ST6GALNAC3: variants seen among roughly 807,000 people sequenced by gnomAD.
ST6GALNAC3 encodes the protein alpha-N-acetylgalactosaminide alpha-2,6-sialyltransferase 3.
In ST6GALNAC3, 25 loss-of-function variants were observed where a neutral mutation model predicts 32.7. The ratio of observed to expected loss-of-function variants is 0.76; its 90% CI spans 0.56 to 1.07. The LOEUF (loss-of-function observed/expected upper bound fraction) is 1.07. Among genes scored for constraint, ST6GALNAC3 ranks in the 50% least tolerant of loss-of-function variants. The probability of loss-of-function intolerance (pLI) is 0.00; values close to 1 mark genes in which losing one functional copy is unlikely to be tolerated. For missense variants in ST6GALNAC3, 355 were observed against 382.4 expected (o/e 0.93, Z 0.60); for synonymous variants, 129 against 133.1 (o/e 0.97, Z 0.21).
intron 3 of ST6GALNAC3, among the ~76,000 whole-genome samples, chr1:76,561,093 A>G (rs1665215807): frequency 1.3e-5 from 2 of 152,224 alleles, no homozygotes; most frequent in South Asian, 4.1e-4. Flanking sequence ...AAATAACTCA[A>G]GCACAGAAAG....
At chr1:76,324,733 G>A (rs766351631) in intron 2 of ST6GALNAC3, among the ~76,000 whole-genome samples, 2 of 152,136 alleles carry the variant, frequency 1.3e-5, no homozygotes, top group Admixed American at 6.6e-5. Flanking sequence ...AACTAAGTAT[G>A]AGTAAAGTAT....
At chr1:76,566,588 T>C (rs540124009) in intron 3 of ST6GALNAC3, among the ~76,000 whole-genome samples, 1 of 152,162 alleles carries the variant, frequency 6.6e-6, no homozygotes, top group African/African-American at 2.4e-5. Flanking sequence ...TCCTCTTCCC[T>C]GCGCTACCCA....
chr1:76,316,063 A>C (rs771847666), intron 2 of ST6GALNAC3, among the ~76,000 whole-genome samples: 4 of 150,180 alleles, frequency 2.7e-5, no homozygotes, highest in Non-Finnish European at 6.0e-5. Flanking sequence ...ATATTTAAAA[A>C]TCACAAAGAG....
At chr1:76,436,793 A>G (rs1393339585) in intron 3 of ST6GALNAC3, among the ~76,000 whole-genome samples, 1 of 152,142 alleles carries the variant, frequency 6.6e-6, no homozygotes, top group Non-Finnish European at 1.5e-5. Flanking sequence ...GAATAAAGTC[A>G]CATTAAGTAG....
chr1:76,282,913 C>G (rs1233369498), intron 1 of ST6GALNAC3, among the ~76,000 whole-genome samples: 1 of 151,814 alleles, frequency 6.6e-6, no homozygotes, highest in East Asian at 1.9e-4. Context: ...GTGGCACACA[C>G]CTGTAATCCC....
chr1:76,174,916 C>T (rs1362780487), intron 1 of ST6GALNAC3, among the ~76,000 whole-genome samples: 2 of 152,106 alleles, frequency 1.3e-5, no homozygotes, highest in Non-Finnish European at 2.9e-5. Context: ...GATCCATCTG[C>T]CTCAGCCTTC....
chr1:76,243,177 G>T (rs1657063880), intron 1 of ST6GALNAC3, among the ~76,000 whole-genome samples: 1 of 152,098 alleles, frequency 6.6e-6, no homozygotes, highest in African/African-American at 2.4e-5. Flanking sequence ...TCTCATTGTG[G>T]TTTTGATTTG....
intron 2 of ST6GALNAC3, among the ~76,000 whole-genome samples, chr1:76,344,305 A>T (rs934260664): frequency 3.3e-5 from 5 of 152,118 alleles, no homozygotes; most frequent in Non-Finnish European, 7.4e-5. Context: ...ACAAAAGGAG[A>T]TTTTGACTTA....
chr1:76,099,328 G>C (rs1436096631), intron 1 of ST6GALNAC3, among the ~76,000 whole-genome samples: 4 of 152,048 alleles, frequency 2.6e-5, no homozygotes, highest in Non-Finnish European at 5.9e-5. Context: ...ATTTAAGACT[G>C]CATTGAATCC....
At position 76,140,281 on chromosome 1, in the gene ST6GALNAC3, C is replaced by T. The variant is rs115008749; in HGVS notation, c.18+65397C>T. On this transcript the variant is annotated intron_variant, in intron 1 of 4. Coordinates refer to ENST00000328299, the MANE Select transcript of ST6GALNAC3 (RefSeq NM_152996.4). ...TGACATTTACAAGGTATTTCATTAA[C>T]ACTGTGGGCGATTCAATCCCCTTTT... Among the ~76,000 whole-genome samples, 32 of 152,314 alleles carry T rather than the reference C, an allele frequency of 2.1e-4. 1 individual carries two copies. The highest frequency in any genetic ancestry group is 7.5e-4 in the African/African-American group (31 of 41,566).
At position 76,145,406 on chromosome 1, in the gene ST6GALNAC3, A is replaced by G. The variant is rs917615632; in HGVS notation, c.18+70522A>G. Among the ~76,000 whole-genome samples, 39 of 152,290 alleles carry G rather than the reference A, an allele frequency of 2.6e-4. 1 individual carries two copies. The highest frequency in any genetic ancestry group is 2.5e-3 in the Admixed American group (38 of 15,306). Reference sequence around the variant, plus strand: ...AAAGTGTGGGACGTGTACTAGCAGCATGGGCATCACCAGGGAGCTTGTTGG... The same window carrying G: ...AAAGTGTGGGACGTGTACTAGCAGCGTGGGCATCACCAGGGAGCTTGTTGG... On this transcript the variant is annotated intron_variant, in intron 1 of 4. Coordinates refer to ENST00000328299, the MANE Select transcript of ST6GALNAC3 (RefSeq NM_152996.4).
At chr1:76,239,725 A>G (rs921198303) in intron 1 of ST6GALNAC3, among the ~76,000 whole-genome samples, 10 of 152,206 alleles carry the variant, frequency 6.6e-5, no homozygotes, top group Admixed American at 3.9e-4. Flanking sequence ...TCACATTTCA[A>G]CATGAGATTT....
In ST6GALNAC3 at chr1:76,147,932, CT is replaced by C. The variant is rs1381837266; in HGVS notation, c.18+73051del. ...CCTTCTGTATTCGTGACCCTTCTCT[CT>C]TTGTATGGGTCCCTGTCTTTGGAAT... On this transcript the variant is annotated intron_variant, in intron 1 of 4. Transcript: ENST00000328299. Among the ~76,000 whole-genome samples the C allele has an allele frequency of 7.2e-5, 11 of 152,264 alleles. No individual in the cohort carries two copies. In the South Asian group the frequency reaches 2.1e-3, roughly 29 times the overall value.
At chr1:76,389,311 A>G (rs1243364643) in intron 2 of ST6GALNAC3, among the ~76,000 whole-genome samples, 1 of 152,160 alleles carries the variant, frequency 6.6e-6, no homozygotes, top group Non-Finnish European at 1.5e-5. Context: ...AGAAATGTAA[A>G]GAAATTAAGT....
intron 1 of ST6GALNAC3, among the ~76,000 whole-genome samples, chr1:76,163,555 A>C (rs1651937855): frequency 6.6e-6 from 1 of 152,184 alleles, no homozygotes; most frequent in African/African-American, 2.4e-5. Context: ...ATTTACTGTA[A>C]GACTCATTTT....
intron 1 of ST6GALNAC3, among the ~76,000 whole-genome samples, chr1:76,081,190 G>A (rs531906450): frequency 2.1e-4 from 32 of 152,060 alleles, no homozygotes; most frequent in South Asian, 1.9e-3. Flanking sequence ...TGTAAAGCAG[G>A]GGTGTTCAAA....
At chr1:76,115,294 C>T (rs1462777791) in intron 1 of ST6GALNAC3, among the ~76,000 whole-genome samples, 1 of 152,134 alleles carries the variant, frequency 6.6e-6, no homozygotes, top group Non-Finnish European at 1.5e-5. Context: ...CAGTATGCCT[C>T]TAAGTAAACC....
At chr1:76,144,212 G>A (rs1303838938) in intron 1 of ST6GALNAC3, among the ~76,000 whole-genome samples, 1 of 152,122 alleles carries the variant, frequency 6.6e-6, no homozygotes, top group Non-Finnish European at 1.5e-5. Flanking sequence ...CGTGCTGCTT[G>A]GCCACAATGG....
intron 3 of ST6GALNAC3, among the ~76,000 whole-genome samples, chr1:76,598,842 T>G (rs900710869): frequency 1.3e-5 from 2 of 152,192 alleles, no homozygotes; most frequent in Admixed American, 1.3e-4. Context: ...TACCAATGTC[T>G]ACCATATGCT....
Sources: gnomAD v4.1 joint callset for allele counts (sites outside exome capture counted in the v4.1 genomes callset) on GRCh38, gnomAD v4.1.1 for gene constraint, MANE v1.5 for transcripts, NCBI Gene and HGNC (gene_info 2026-07-23, HGNC 2026-07-21) for gene names.